ATRNL1: variants seen among roughly 807,000 people sequenced by gnomAD.
The protein encoded by ATRNL1 is attractin like 1, also known as attractin-like protein 1.
Under a neutral mutation model 182.7 loss-of-function variants are expected in ATRNL1, and 95 were observed. That is an observed-to-expected ratio of 0.52 (90% CI 0.44 to 0.62). The LOEUF is 0.62. Among genes scored for constraint, ATRNL1 ranks in the 20% least tolerant of loss-of-function variants. The pLI is 0.00. For synonymous variants in ATRNL1, 576 were observed against 568.3 expected (o/e 1.01, Z -0.19); for missense variants, 1,471 against 1,679.5 (o/e 0.88, Z 2.17).
chr10:115,762,619 G>C (rs1284070331), intron 27 of ATRNL1, among the ~76,000 whole-genome samples: 1 of 151,552 alleles, frequency 6.6e-6, no homozygotes, highest in Non-Finnish European at 1.5e-5. Flanking sequence ...GGGGAGAAAG[G>C]GTACATTTAC....
intron 26 of ATRNL1, among the ~76,000 whole-genome samples, chr10:115,719,223 G>A (rs1432572959): frequency 6.6e-6 from 1 of 152,046 alleles, no homozygotes; most frequent in Admixed American, 6.6e-5. Context: ...TCTTGACAAG[G>A]CATTAAGACT....
intron 19 of ATRNL1, among the ~76,000 whole-genome samples, chr10:115,379,551 C>T (rs376430416): frequency 1.0e-3 from 157 of 152,200 alleles, no homozygotes; most frequent in Admixed American, 1.0e-3. Flanking sequence ...TAATATACAT[C>T]GTTTTAGTGT....
chr10:115,543,620 T>C (rs1338808224), intron 25 of ATRNL1, among the ~76,000 whole-genome samples: 12 of 152,146 alleles, frequency 7.9e-5, no homozygotes, highest in Admixed American at 6.5e-4. Context: ...CTTTTTACAA[T>C]TGGCCAACTA....
intron 1 of ATRNL1, among the ~76,000 whole-genome samples, chr10:115,116,218 T>C (rs2143580470): frequency 6.6e-6 from 1 of 152,200 alleles, no homozygotes; most frequent in South Asian, 2.1e-4. Flanking sequence ...GTTTATGTAG[T>C]ACTGATCTAG....
intron 27 of ATRNL1, among the ~76,000 whole-genome samples, chr10:115,728,029 A>G (rs940546772): frequency 6.7e-6 from 1 of 149,872 alleles, no homozygotes; most frequent in African/African-American, 2.5e-5. Context: ...CAATCCCAGC[A>G]CTTTGGGAGG....
At chr10:115,097,317 C>G (rs1053166718) in intron 1 of ATRNL1, among the ~76,000 whole-genome samples, 1 of 151,994 alleles carries the variant, frequency 6.6e-6, no homozygotes, top group Non-Finnish European at 1.5e-5. Flanking sequence ...GACCTCATCT[C>G]TACAAAAAAT....
Position 115,596,515 on chromosome 10 carries a change from T to C in ATRNL1, c.3795+46979T>C, listed in dbSNP as rs190972631. Among the ~76,000 whole-genome samples the C allele has an allele frequency of 1.6e-3, 238 of 152,352 alleles. 1 individual carries two copies. Among genetic ancestry groups the C allele is most frequent in the African/African-American group, 5.5e-3 (227 of 41,588 alleles). On this transcript the variant is annotated intron_variant, in intron 26 of 28. Transcript: ENST00000355044. ...ACACAATGACATTCATGGATTATCATGAAGAAGTTAAAGTAGTCACAAATG... is the reference window on the plus strand; with the variant it reads ...ACACAATGACATTCATGGATTATCACGAAGAAGTTAAAGTAGTCACAAATG...
chr10:115,744,687 CT>C (rs1322822057), intron 27 of ATRNL1, among the ~76,000 whole-genome samples: 104 of 151,984 alleles, frequency 6.8e-4, no homozygotes, highest in Non-Finnish European at 1.3e-4. Flanking sequence ...CAGCCTCCCA[CT>C]GTATTGAATT....
chr10:115,402,138 C>T (rs1362845075), intron 20 of ATRNL1, among the ~76,000 whole-genome samples: 2 of 152,050 alleles, frequency 1.3e-5, no homozygotes, highest in African/African-American at 4.8e-5. Context: ...TTTCAATTTA[C>T]ATGATAGTTG....
At chr10:115,315,797 T>C in intron 18 of ATRNL1, 61 bp downstream of exon 18, 1 of 1,380,954 alleles carries the variant, frequency 7.2e-7, no homozygotes, top group Non-Finnish European at 9.9e-7. Flanking sequence ...GAAGGAGTTT[T>C]TGTTCTTATA....
At chr10:115,607,192 CTG>C (rs1856917513) in intron 26 of ATRNL1, among the ~76,000 whole-genome samples, 1 of 151,848 alleles carries the variant, frequency 6.6e-6, no homozygotes, top group South Asian at 2.1e-4. Flanking sequence ...TTAAAGAAGA[CTG>C]TGTCATATTT....
intron 5 of ATRNL1, among the ~76,000 whole-genome samples, chr10:115,142,431 C>T (rs1845790345): frequency 1.4e-5 from 2 of 146,582 alleles, no homozygotes; most frequent in Admixed American, 6.7e-5. Flanking sequence ...CAGATATGAA[C>T]TTAGAAGTTA....
At chr10:115,587,070 G>A (rs1407131145) in intron 26 of ATRNL1, among the ~76,000 whole-genome samples, 2 of 149,580 alleles carry the variant, frequency 1.3e-5, no homozygotes, top group Admixed American at 6.8e-5. Flanking sequence ...CTGCTCGGGG[G>A]TCAGGGGTCA....
At chr10:115,104,536 CT>C (rs1843916721) in intron 1 of ATRNL1, among the ~76,000 whole-genome samples, 2 of 152,070 alleles carry the variant, frequency 1.3e-5, no homozygotes, top group African/African-American at 4.8e-5. Context: ...TGTGCAGAAA[CT>C]TTTTAACTCG....
intron 26 of ATRNL1, among the ~76,000 whole-genome samples, chr10:115,566,961 C>T (rs1555002086): frequency 6.6e-6 from 1 of 152,046 alleles, no homozygotes; most frequent in Non-Finnish European, 1.5e-5. Context: ...GAATCATATT[C>T]CAATTACTAA....
chr10:115,483,238 A>G (rs575618785), intron 24 of ATRNL1, among the ~76,000 whole-genome samples: 2 of 151,542 alleles, frequency 1.3e-5, no homozygotes, highest in Admixed American at 1.3e-4. Context: ...ATAAATCAAC[A>G]ATAGTTTATA....
At chr10:115,506,582 A>G (rs558960846) in intron 24 of ATRNL1, among the ~76,000 whole-genome samples, 3 of 152,226 alleles carry the variant, frequency 2.0e-5, no homozygotes, top group South Asian at 4.1e-4. Flanking sequence ...CTCAAACTCC[A>G]TAAAGGAGTT....
Position 115,199,561 on chromosome 10 carries a change from TA to T in ATRNL1, c.1349-16125del, listed in dbSNP as rs1157748898. On this transcript the variant is annotated intron_variant, in intron 8 of 28. Coordinates refer to ENST00000355044, the MANE Select transcript of ATRNL1 (RefSeq NM_207303.4). ...CCTGGCGACAGAGCAAGATTTCATC[TA>T]AAAAAAAAAATTCAATAGTTAAGCA... is the stretch of plus-strand genomic sequence containing the variant. 4.2e-3 allele frequency among the ~76,000 whole-genome samples: 624 copies of T among 148,108 alleles called. 2 individuals carry two copies. The highest frequency in any genetic ancestry group is 0.013 in the African/African-American group (526 of 40,672).
intron 19 of ATRNL1, among the ~76,000 whole-genome samples, chr10:115,390,786 C>T (rs1554954157): frequency 6.6e-6 from 1 of 152,184 alleles, no homozygotes; most frequent in East Asian, 1.9e-4. Context: ...AATCCATGAA[C>T]ATGGGCTACC....
Sources: gnomAD v4.1 joint callset for allele counts (sites outside exome capture counted in the v4.1 genomes callset) on GRCh38, gnomAD v4.1.1 for gene constraint, MANE v1.5 for transcripts, NCBI Gene and HGNC (gene_info 2026-07-23, HGNC 2026-07-21) for gene names.